SRRM3: variants seen among roughly 807,000 people sequenced by gnomAD.
SRRM3 encodes serine/arginine repetitive matrix 3, also known as serine/arginine repetitive matrix protein 3.
Under a neutral mutation model 66.2 loss-of-function variants are expected in SRRM3, and 27 were observed. The observed-to-expected ratio is 0.41, with a 90% confidence interval of 0.30 to 0.56. SRRM3 has a LOEUF of 0.56. Among genes scored for constraint, SRRM3 ranks in the 20% least tolerant of loss-of-function variants. The probability of loss-of-function intolerance (pLI) is 0.32; values close to 1 mark genes in which losing one functional copy is unlikely to be tolerated. For synonymous variants in SRRM3, 391 were observed against 414.9 expected (o/e 0.94, Z 0.70); for missense variants, 918 against 991.9 (o/e 0.93, Z 1.00).
Position 76,259,908 on chromosome 7 carries a change from T to A in SRRM3, c.338T>A (p.Val113Glu). 6.2e-7 allele frequency: 1 copy of A among 1,601,404 alleles called. No individual in the cohort carries two copies. The highest frequency in any genetic ancestry group is 8.5e-7 in the Non-Finnish European group (1 of 1,179,534). Residue 113 changes from valine (V) to glutamate (E), a missense_variant and splice_region_variant, in exon 4 of 15, where the codon GTG (valine) becomes GAG (glutamate). Coordinates refer to ENST00000611745, the MANE Select transcript of SRRM3 (RefSeq NM_001110199.3). Reference protein sequence around the residue: ...TREDRPGGHIVAETPRLTEGA... With the variant: ...TREDRPGGHIEAETPRLTEGA... ...GTGAGCGTCCCTGTCGCCGGCAGTG[T>A]GGCGGAGACCCCGCGGCTGACCGAG... is the stretch of plus-strand genomic sequence containing the variant.
intron 1 of SRRM3, among the ~76,000 whole-genome samples, chr7:76,209,604 A>ATT (rs11290590): frequency 1.2e-4 from 16 of 136,804 alleles, no homozygotes; most frequent in African/African-American, 2.7e-4. Flanking sequence ...AAGAGTTGGA[A>ATT]TTTTTTTTTT....
intron 8 of SRRM3, among the ~76,000 whole-genome samples, chr7:76,263,680 T>G (rs1433546196): frequency 6.6e-6 from 1 of 151,320 alleles, no homozygotes; most frequent in African/African-American, 2.4e-5. Flanking sequence ...GCCAACATGG[T>G]GAAATCCTGT....
intron 8 of SRRM3, among the ~76,000 whole-genome samples, chr7:76,262,815 C>CA (rs1314856743): frequency 7.5e-5 from 10 of 134,040 alleles, no homozygotes; most frequent in Admixed American, 3.8e-4. Context: ...GACTCCATCT[C>CA]AAAAAAAAGA....
At chr7:76,281,155 CCTCT>C (rs1227313274) in intron 11 of SRRM3, among the ~76,000 whole-genome samples, 1 of 141,390 alleles carries the variant, frequency 7.1e-6, no homozygotes, top group East Asian at 2.0e-4. Flanking sequence ...TCCCTCTCTC[CCTCT>C]TTCTTTCTTC....
At chr7:76,210,085 G>A (rs2116934430) in intron 1 of SRRM3, among the ~76,000 whole-genome samples, 1 of 152,288 alleles carries the variant, frequency 6.6e-6, no homozygotes, top group East Asian at 1.9e-4. Flanking sequence ...CTATTCATGT[G>A]GGCAGGAGGT....
At chr7:76,250,908 A>G (rs1332356468) in intron 3 of SRRM3, among the ~76,000 whole-genome samples, 1 of 151,726 alleles carries the variant, frequency 6.6e-6, no homozygotes, top group Non-Finnish European at 1.5e-5. Flanking sequence ...TATCATCACT[A>G]CCCCCACCCA....
At chr7:76,254,885 G>C (rs568727642) in intron 3 of SRRM3, among the ~76,000 whole-genome samples, 41 of 152,170 alleles carry the variant, frequency 2.7e-4, no homozygotes, top group African/African-American at 9.6e-4. Context: ...TCAGGAAGAG[G>C]AGCATGGAAA....
intron 1 of SRRM3, among the ~76,000 whole-genome samples, chr7:76,227,973 T>A (rs952428596): frequency 4.6e-5 from 7 of 152,126 alleles, no homozygotes; most frequent in African/African-American, 1.7e-4. Context: ...GGGTTCAAGC[T>A]ATTCTCATGC....
At chr7:76,214,819 G>A (rs1384007589) in intron 1 of SRRM3, among the ~76,000 whole-genome samples, 2 of 152,018 alleles carry the variant, frequency 1.3e-5, no homozygotes, top group Non-Finnish European at 2.9e-5. Context: ...ATGTTGCCCA[G>A]GCTGGTCTAG....
intron 11 of SRRM3, among the ~76,000 whole-genome samples, chr7:76,277,716 C>CAAAAAAA (rs386353056): frequency 9.7e-6 from 1 of 102,766 alleles, no homozygotes; most frequent in South Asian, 3.5e-4. Context: ...TAAACAACAA[C>CAAAAAAA]AAAAAAAAAA....
At position 76,259,857 on chromosome 7, in the gene SRRM3, G is replaced by A. The variant is rs782501296; in HGVS notation, c.336-49G>A. 1.3e-5 allele frequency: 20 copies of A among 1,597,848 alleles called. No homozygotes were observed. The Admixed American group carries it at 2.2e-4, about 17-fold the overall frequency. On this transcript the variant is annotated intron_variant, in intron 3 of 14. Coordinates refer to ENST00000611745, the MANE Select transcript of SRRM3 (RefSeq NM_001110199.3). ...GGCCCCCTGCGCCGAGAAAAGGGGT[G>A]AAGAAAAGTCGTCCCGAGACTGGTG...
At chr7:76,266,241 A>ATAT (rs1554609593) in intron 10 of SRRM3, among the ~76,000 whole-genome samples, 2 of 120,396 alleles carry the variant, frequency 1.7e-5, no homozygotes, top group African/African-American at 7.0e-5. Context: ...TAATATATAT[A>ATAT]AATATTTATA....
At chr7:76,267,217 C>T (rs6974346) in intron 10 of SRRM3, 41 bp from the exon 11 acceptor site, 129,511 of 1,472,850 alleles carry the variant, frequency 0.088, 6,595 homozygotes, top group East Asian at 0.23. Flanking sequence ...AAGCGGGTGT[C>T]CCACGCCGAC....
At chr7:76,233,409 T>C (rs782432306) in intron 1 of SRRM3, among the ~76,000 whole-genome samples, 1 of 152,164 alleles carries the variant, frequency 6.6e-6, no homozygotes, top group Non-Finnish European at 1.5e-5. Context: ...TCCACACATG[T>C]CCCTGGCTCA....
chr7:76,235,219 C>T lies in SRRM3; in HGVS notation c.153C>T (p.His51=). 1 of 1,553,246 alleles carries T rather than the reference C, an allele frequency of 6.4e-7. No individual in the cohort carries two copies. The highest frequency in any genetic ancestry group is 8.6e-7 in the Non-Finnish European group (1 of 1,158,044). ...AAEPGLVKRA[H]REILDHERKR... is the part of the protein sequence containing the mutation. ...AGCCGGGCCTGGTGAAGCGCGCGCA[C>T]CGCGAGATCCTGGACCACGAGCGCA... The change falls in exon 2 of 15, where the codon CAC becomes CAT. Residue 51 remains histidine, a synonymous_variant. Coordinates refer to ENST00000611745, the MANE Select transcript of SRRM3 (RefSeq NM_001110199.3).
chr7:76,267,522 A>T, intron 11 of SRRM3, 87 bp downstream of exon 11: 1 of 340,130 alleles, frequency 2.9e-6, no homozygotes. Context: ...GCAGGGGGCG[A>T]TAAGTGTGGC....
At chr7:76,269,630 T>C (rs1039802343) in intron 11 of SRRM3, 81 of 152,114 alleles carry the variant, frequency 5.3e-4, no homozygotes, top group African/African-American at 1.9e-3. Context: ...TTTTTGTTTG[T>C]TTTTTAGCCT....
intron 11 of SRRM3, among the ~76,000 whole-genome samples, chr7:76,270,144 G>A (rs1802175419): frequency 6.6e-6 from 1 of 152,164 alleles, no homozygotes; most frequent in Admixed American, 6.5e-5. Context: ...GAGAGAAGCG[G>A]GAGACCCAGG....
At chr7:76,202,511 G>A (rs953656331) in intron 1 of SRRM3, among the ~76,000 whole-genome samples, 1 of 152,170 alleles carries the variant, frequency 6.6e-6, no homozygotes, top group Non-Finnish European at 1.5e-5. Context: ...CGGCCCAGGG[G>A]ACAGCCTGGC....
Sources: allele counts gnomAD v4.1 joint callset (sites outside exome capture counted in the v4.1 genomes callset), GRCh38; gene constraint gnomAD v4.1.1; transcripts MANE v1.5; gene names NCBI Gene and HGNC (gene_info 2026-07-23, HGNC 2026-07-21).